Variants in COL5A2 observed in about 807,000 individuals in gnomAD.
COL5A2 encodes collagen alpha-2(V) chain.
In COL5A2, 23 loss-of-function variants were observed where a neutral mutation model predicts 208.2. That is an observed-to-expected ratio of 0.11 (90% CI 0.08 to 0.16). The LOEUF (loss-of-function observed/expected upper bound fraction) is 0.16. Among genes scored for constraint, COL5A2 ranks in the 10% least tolerant of loss-of-function variants. COL5A2 has a pLI of 1.00. For synonymous variants in COL5A2, 625 were observed against 628.5 expected, an observed-to-expected ratio of 0.99 and a Z score of 0.08; for missense variants, 1,590 against 1,956.4, an observed-to-expected ratio of 0.81 and a Z score of 3.53.
At chr2:189,036,461 T>C (rs1371442172) in intron 52 of COL5A2, among the ~76,000 whole-genome samples, 155 bp downstream of exon 52, 1 of 152,156 alleles carries the variant, frequency 6.6e-6, no homozygotes, top group Non-Finnish European at 1.5e-5. Context: ...TATGCAATGG[T>C]ATTACAATTG....
At chr2:189,395,892 A>T in the COL5A2 span, among the ~76,000 whole-genome samples, 1 of 103,192 alleles carries the variant, frequency 9.7e-6, no homozygotes, top group Non-Finnish European at 2.0e-5. Context: ...AGCCTAGGAC[A>T]CATCTCAAAA....
intron 33 of COL5A2, among the ~76,000 whole-genome samples, chr2:189,058,198 C>A (rs1685942671): frequency 6.6e-6 from 1 of 152,162 alleles, no homozygotes; most frequent in Non-Finnish European, 1.5e-5. Flanking sequence ...AAGTCTATCA[C>A]CATGTGCACT....
chr2:189,319,387 G>A, the COL5A2 span, among the ~76,000 whole-genome samples: 1 of 152,232 alleles, frequency 6.6e-6, no homozygotes, highest in South Asian at 2.1e-4. Context: ...TCCGGGAAGT[G>A]CAAGGGGTCA....
At chr2:189,042,554 CTTAAAA>C (rs781537309) in intron 49 of COL5A2, among the ~76,000 whole-genome samples, 160 bp downstream of exon 49, 4 of 152,252 alleles carry the variant, frequency 2.6e-5, no homozygotes, top group Middle Eastern at 6.8e-3. Flanking sequence ...GATATTTCTA[CTTAAAA>C]TTAATTGCTA....
In COL5A2 at chr2:189,099,075, T is replaced by C. The variant is rs527698365; in HGVS notation, c.370-316A>G. 2.6e-5 allele frequency among the ~76,000 whole-genome samples: 4 copies of C among 152,290 alleles called. No individual in the cohort carries two copies. The South Asian group carries it at 8.3e-4, about 32-fold the overall frequency. On this transcript the variant is annotated intron_variant, in intron 4 of 53. Coordinates refer to ENST00000374866, the MANE Select transcript of COL5A2 (RefSeq NM_000393.5). ...TACTTATCCTCTCTGTTCTTAAGGA[T>C]CTTAAGTGGAAACTTAAATGTAAAA... is the stretch of plus-strand genomic sequence containing the variant.
chr2:189,248,987 A>T, the COL5A2 span, among the ~76,000 whole-genome samples: 278 of 152,294 alleles, frequency 1.8e-3, 1 homozygote, highest in African/African-American at 6.3e-3. Flanking sequence ...ATAAATTAAT[A>T]GTTGGCTTAA....
chr2:189,402,976 A>G, the COL5A2 span, among the ~76,000 whole-genome samples: 80 of 152,308 alleles, frequency 5.3e-4, no homozygotes, highest in African/African-American at 1.9e-3. Flanking sequence ...AGGGAATAGC[A>G]CTGAATCTAT....
chr2:189,321,592 G>T, the COL5A2 span, among the ~76,000 whole-genome samples: 23 of 152,166 alleles, frequency 1.5e-4, no homozygotes, highest in East Asian at 2.3e-3. Flanking sequence ...AAGGTAAAGG[G>T]ATCAATTCAA....
the COL5A2 span, among the ~76,000 whole-genome samples, chr2:189,358,949 A>G: frequency 6.6e-6 from 1 of 151,832 alleles, no homozygotes; most frequent in South Asian, 2.1e-4. Flanking sequence ...AAATTTGTCT[A>G]TCAATTCTAA....
chr2:189,132,218 A>G (rs750252609), intron 1 of COL5A2, among the ~76,000 whole-genome samples: 35 of 152,370 alleles, frequency 2.3e-4, no homozygotes, highest in South Asian at 1.7e-3. Context: ...TTTTAGAGAC[A>G]TAAGTAGAAG....
chr2:189,144,328 C>A (rs975171613), intron 1 of COL5A2, among the ~76,000 whole-genome samples: 1 of 152,116 alleles, frequency 6.6e-6, no homozygotes, highest in East Asian at 1.9e-4. Flanking sequence ...TAGGAGAGTA[C>A]AAGTTTTGTT....
At chr2:189,052,868 T>C (rs1387287109) in intron 39 of COL5A2, 43 bp downstream of exon 39, 1 of 1,610,882 alleles carries the variant, frequency 6.2e-7, no homozygotes, top group South Asian at 1.1e-5. Context: ...ACTCCAAACA[T>C]GGGGCACTTG....
At chr2:189,210,160 C>G (rs954830580) in intron 1 of COL5A2, among the ~76,000 whole-genome samples, 1 of 151,990 alleles carries the variant, frequency 6.6e-6, no homozygotes, top group East Asian at 1.9e-4. Flanking sequence ...GCATGACACA[C>G]AAGAAAAGTA....
chr2:189,251,025 T>A, the COL5A2 span, among the ~76,000 whole-genome samples: 13 of 152,170 alleles, frequency 8.5e-5, no homozygotes, highest in Non-Finnish European at 1.6e-4. Flanking sequence ...AGTCTGGGCA[T>A]CAATCACATG....
the COL5A2 span, among the ~76,000 whole-genome samples, chr2:189,363,310 C>A: frequency 2.6e-5 from 4 of 151,968 alleles, no homozygotes; most frequent in East Asian, 1.9e-4. Context: ...TAATAGATCA[C>A]CTTTATCAGG....
At chr2:189,368,457 A>C in the COL5A2 span, among the ~76,000 whole-genome samples, 4 of 152,194 alleles carry the variant, frequency 2.6e-5, no homozygotes, top group African/African-American at 9.6e-5. Flanking sequence ...GGAAAAAAAA[A>C]CACTAGAATT....
chr2:189,391,296 G>A, the COL5A2 span, among the ~76,000 whole-genome samples: 3 of 152,020 alleles, frequency 2.0e-5, no homozygotes, highest in East Asian at 1.9e-4. Context: ...TGTTATATAG[G>A]GAATTCAGTT....
chr2:189,423,307 C>A, the COL5A2 span, among the ~76,000 whole-genome samples: 1 of 151,484 alleles, frequency 6.6e-6, no homozygotes, highest in Admixed American at 6.6e-5. Context: ...AAATAAACAA[C>A]CTAACATTGC....
At position 189,080,045 on chromosome 2, in the gene COL5A2, T is replaced by C. The variant is rs1162761190; in HGVS notation, c.907-14A>G. On this transcript the variant is annotated splice_polypyrimidine_tract_variant and intron_variant, in intron 13 of 53. Coordinates refer to ENST00000374866, the MANE Select transcript of COL5A2 (RefSeq NM_000393.5). ...ACCTTTGTGTCCCTGAGAATAAAAA[T>C]GTAAATTTGTATTTGTATCCTGTTT... 1.2e-6 allele frequency: 2 copies of C among 1,608,054 alleles called. No homozygotes were observed. Among genetic ancestry groups the C allele is most frequent in the African/African-American group, 1.3e-5 (1 of 74,760 alleles).
Sources: gnomAD v4.1 joint callset for allele counts (sites outside exome capture counted in the v4.1 genomes callset) on GRCh38, gnomAD v4.1.1 for gene constraint, MANE v1.5 for transcripts, NCBI Gene and HGNC (gene_info 2026-07-23, HGNC 2026-07-21) for gene names.